MAMDC2: variants seen among roughly 807,000 people sequenced by gnomAD.
MAMDC2 encodes MAM domain-containing protein 2.
A neutral mutation model predicts 89.8 loss-of-function variants in MAMDC2; 57 were observed. That is an observed-to-expected ratio of 0.63 (90% CI 0.51 to 0.79). The LOEUF is 0.79. MAMDC2 is among the 30% of genes least tolerant of loss of function. MAMDC2 has a pLI of 0.00. For synonymous variants in MAMDC2, 313 were observed against 293.4 expected (o/e 1.07, Z -0.68); for missense variants, 800 against 820.6 (o/e 0.97, Z 0.31).
chr9:70,132,841 G>T (rs756260308), intron 7 of MAMDC2, among the ~76,000 whole-genome samples: 1 of 152,068 alleles, frequency 6.6e-6, no homozygotes, highest in Non-Finnish European at 1.5e-5. Context: ...TTTTCAACTT[G>T]AGCTAAACTG....
chr9:70,092,618 G>C (rs574623552), intron 2 of MAMDC2: 7 of 152,330 alleles, frequency 4.6e-5, no homozygotes, highest in African/African-American at 1.7e-4. Context: ...GCTCATGGAA[G>C]GAAGGTTAAC....
At chr9:70,112,887 C>A in intron 4 of MAMDC2, 108 bp from the exon 5 acceptor site, 1 of 1,408,416 alleles carries the variant, frequency 7.1e-7, no homozygotes, top group Non-Finnish European at 9.9e-7. Flanking sequence ...TTGCAGTGGG[C>A]AAAGGAAGAG....
At position 70,213,118 on chromosome 9, in the gene MAMDC2, C is replaced by G. The variant is rs1393559786; in HGVS notation, c.1652-5219C>G. 2.0e-5 allele frequency among the ~76,000 whole-genome samples: 3 copies of G among 152,250 alleles called. No homozygotes were observed. In the South Asian group the frequency reaches 6.2e-4, roughly 32 times the overall value. On this transcript the variant is annotated intron_variant, in intron 11 of 13. Transcript: ENST00000377182. ...TCCAGGACCTCAGAATAATCCTGGT[C>G]AAGACTTGTACTGTTACCAGTAGGA...
intron 11 of MAMDC2, among the ~76,000 whole-genome samples, chr9:70,209,733 T>A (rs2118660665): frequency 6.6e-6 from 1 of 152,336 alleles, no homozygotes; most frequent in South Asian, 2.1e-4. Context: ...TGTTAGGGTG[T>A]CAATTTTAGA....
At chr9:70,130,041 T>TGTGTGTGTGTGA (rs2030732039) in intron 6 of MAMDC2, among the ~76,000 whole-genome samples, 1 of 135,456 alleles carries the variant, frequency 7.4e-6, no homozygotes, top group African/African-American at 2.6e-5. Context: ...TGTGTGTGTG[T>TGTGTGTGTGTGA]GTGTGAGAGT....
chr9:70,193,771 T>G (rs1477908602), intron 11 of MAMDC2, among the ~76,000 whole-genome samples: 1 of 152,132 alleles, frequency 6.6e-6, no homozygotes, highest in Non-Finnish European at 1.5e-5. Flanking sequence ...AAGATTCTTT[T>G]TGAATGAATG....
At chr9:70,067,809 C>T (rs1220420425) in intron 2 of MAMDC2, among the ~76,000 whole-genome samples, 4 of 152,176 alleles carry the variant, frequency 2.6e-5, no homozygotes, top group African/African-American at 9.7e-5. Context: ...GGCCTGCCTG[C>T]CAGTATGGCC....
intron 9 of MAMDC2, among the ~76,000 whole-genome samples, chr9:70,168,222 T>C (rs1181509449): frequency 6.6e-6 from 1 of 152,190 alleles, no homozygotes; most frequent in Non-Finnish European, 1.5e-5. Flanking sequence ...CCAGGTGTGG[T>C]GGCTCACAAC....
intron 9 of MAMDC2, chr9:70,153,474 C>T (rs1480207899): frequency 5.3e-5 from 8 of 152,208 alleles, no homozygotes; most frequent in African/African-American, 1.7e-4. Context: ...GATCCTGCAA[C>T]GCCTTCTGGC....
At chr9:70,172,883 G>A (rs1282251724) in intron 11 of MAMDC2, 1 of 152,724 alleles carries the variant, frequency 6.5e-6, no homozygotes, top group Non-Finnish European at 1.5e-5. Flanking sequence ...AAGATATCAG[G>A]ATGTTAAAAA....
intron 11 of MAMDC2, among the ~76,000 whole-genome samples, chr9:70,189,944 A>G (rs974075719): frequency 6.6e-6 from 1 of 151,862 alleles, no homozygotes. Context: ...TCTTACTTAT[A>G]ATTTGTAGTA....
At chr9:70,196,752 A>C (rs1408762460) in intron 11 of MAMDC2, among the ~76,000 whole-genome samples, 1 of 152,104 alleles carries the variant, frequency 6.6e-6, no homozygotes, top group Non-Finnish European at 1.5e-5. Context: ...CAAGGCATAA[A>C]ACATGGAACG....
chr9:70,157,206 G>A lies in MAMDC2; in HGVS notation c.1405-11496G>A, dbSNP rs559549554. 6.5e-4 allele frequency among the ~76,000 whole-genome samples: 99 copies of A among 152,226 alleles called. No individual in the cohort carries two copies. In the Middle Eastern group the frequency reaches 0.014, roughly 21 times the overall value. ...AATATTTCACAGCCGTACAGTCATT[G>A]CATTTTAAAGAAATATTTTCCCAAA... is the stretch of plus-strand genomic sequence containing the variant. On this transcript the variant is annotated intron_variant, in intron 9 of 13. Coordinates refer to ENST00000377182, the MANE Select transcript of MAMDC2 (RefSeq NM_153267.5).
chr9:70,178,011 G>A (rs1419113714), intron 11 of MAMDC2, among the ~76,000 whole-genome samples: 3 of 152,156 alleles, frequency 2.0e-5, no homozygotes, highest in Non-Finnish European at 2.9e-5. Context: ...TGTTGTCAGT[G>A]TAACCCCAGG....
intron 2 of MAMDC2, among the ~76,000 whole-genome samples, chr9:70,067,181 G>A (rs770453040): frequency 2.6e-5 from 4 of 152,178 alleles, no homozygotes; most frequent in Non-Finnish European, 5.9e-5. Context: ...TAAACCCTGT[G>A]TCTAGTATCC....
At chr9:70,145,151 GCTT>G (rs1321221919) in intron 9 of MAMDC2, among the ~76,000 whole-genome samples, 3 of 152,140 alleles carry the variant, frequency 2.0e-5, no homozygotes, top group Non-Finnish European at 4.4e-5. Context: ...TACAGAAACG[GCTT>G]CTTATTATTT....
At chr9:70,060,082 GCT>G (rs1211824745) in intron 2 of MAMDC2, among the ~76,000 whole-genome samples, 1 of 152,058 alleles carries the variant, frequency 6.6e-6, no homozygotes, top group Admixed American at 6.6e-5. Context: ...TAGGACATTG[GCT>G]CTCTGATATT....
intron 11 of MAMDC2, among the ~76,000 whole-genome samples, chr9:70,188,915 A>C (rs1366192756): frequency 2.0e-5 from 3 of 151,770 alleles, no homozygotes; most frequent in Non-Finnish European, 2.9e-5. Context: ...TCAATTAATA[A>C]CTTGACTTAA....
chr9:70,109,841 A>T (rs1323033325), intron 4 of MAMDC2, 37 bp downstream of exon 4: 2 of 1,550,214 alleles, frequency 1.3e-6, no homozygotes, highest in Non-Finnish European at 1.8e-6. Context: ...CAAATTGTGA[A>T]TCTTTTTCTA....
Sources: allele counts gnomAD v4.1 joint callset (sites outside exome capture counted in the v4.1 genomes callset), GRCh38; gene constraint gnomAD v4.1.1; transcripts MANE v1.5; gene names NCBI Gene and HGNC (gene_info 2026-07-23, HGNC 2026-07-21).